FHIT: variants seen among roughly 807,000 people sequenced by gnomAD.
The protein encoded by FHIT is bis(5'-adenosyl)-triphosphatase.
Under a neutral mutation model 17.9 loss-of-function variants are expected in FHIT, and 19 were observed. The ratio of observed to expected loss-of-function variants is 1.06; its 90% CI spans 0.74 to 1.56. The LOEUF (loss-of-function observed/expected upper bound fraction) is 1.56. Ranked by LOEUF, FHIT falls within the 40% of genes most tolerant of loss-of-function variation. The pLI is 0.00. For missense variants in FHIT, 248 were observed against 189.2 expected (o/e 1.31, Z -1.82); for synonymous variants, 81 against 69.7 (o/e 1.16, Z -0.81).
At chr3:60,524,138 C>T (rs2035481505) in intron 5 of FHIT, among the ~76,000 whole-genome samples, 1 of 151,736 alleles carries the variant, frequency 6.6e-6, no homozygotes, top group Admixed American at 6.6e-5. Flanking sequence ...GAGATGCATT[C>T]ATGAATAAAC....
intron 2 of FHIT, among the ~76,000 whole-genome samples, chr3:61,128,774 GT>G (rs1017811885): frequency 3.6e-4 from 53 of 146,448 alleles, no homozygotes; most frequent in South Asian, 8.7e-4. Flanking sequence ...AAACAAGGTT[GT>G]TTTTTTTTTT....
intron 5 of FHIT, among the ~76,000 whole-genome samples, chr3:60,173,915 A>ATATATATATATATTTTTTTTTTTTTTTT: frequency 1.5e-5 from 1 of 66,444 alleles, no homozygotes; most frequent in Non-Finnish European, 2.8e-5. Context: ...ATATATATAT[A>ATATATATATATATTTTTTTTTTTTTTTT]TGTTTTTTTT....
chr3:59,920,326 C>T (rs1705341260), intron 8 of FHIT, among the ~76,000 whole-genome samples: 1 of 152,190 alleles, frequency 6.6e-6, no homozygotes, highest in South Asian at 2.1e-4. Flanking sequence ...GTCTATACTA[C>T]ATATGACTTA....
At chr3:59,774,117 C>T (rs527431877) in intron 8 of FHIT, among the ~76,000 whole-genome samples, 8 of 152,150 alleles carry the variant, frequency 5.3e-5, no homozygotes, top group East Asian at 1.9e-4. Context: ...GCGTGAGATG[C>T]GCTGGTTTGG....
intron 4 of FHIT, among the ~76,000 whole-genome samples, chr3:60,542,483 T>A (rs1299367662): frequency 6.6e-6 from 1 of 152,320 alleles, no homozygotes; most frequent in African/African-American, 2.4e-5. Context: ...AGTTTTTAAT[T>A]ATTGAATGGT....
chr3:60,380,585 A>G (rs1363449984), intron 5 of FHIT, among the ~76,000 whole-genome samples: 1 of 152,220 alleles, frequency 6.6e-6, no homozygotes, highest in Non-Finnish European at 1.5e-5. Context: ...AAAAGAGGGT[A>G]CAGATTTTAA....
chr3:60,168,457 C>T (rs1207136058), intron 5 of FHIT, among the ~76,000 whole-genome samples: 2 of 152,178 alleles, frequency 1.3e-5, no homozygotes, highest in African/African-American at 4.8e-5. Context: ...TGAAGGACCA[C>T]TCTTGGGCAT....
intron 5 of FHIT, among the ~76,000 whole-genome samples, chr3:60,513,472 T>C (rs917743968): frequency 6.6e-6 from 1 of 152,198 alleles, no homozygotes; most frequent in African/African-American, 2.4e-5. Flanking sequence ...GTTCAAAACA[T>C]TTAATAATAA....
intron 5 of FHIT, among the ~76,000 whole-genome samples, chr3:60,050,585 G>A (rs1479605814): frequency 7.0e-6 from 1 of 142,058 alleles, no homozygotes; most frequent in African/African-American, 2.8e-5. Flanking sequence ...GACCTCTACT[G>A]CAAGCCCTTT....
At chr3:60,363,607 A>G (rs1389994256) in intron 5 of FHIT, among the ~76,000 whole-genome samples, 2 of 152,148 alleles carry the variant, frequency 1.3e-5, no homozygotes, top group Non-Finnish European at 2.9e-5. Context: ...AATAAGTGGT[A>G]GCTAGAACTT....
At chr3:59,787,484 ACACACACACAC>A (rs1699357963) in intron 8 of FHIT, among the ~76,000 whole-genome samples, 2 of 17,738 alleles carry the variant, frequency 1.1e-4, no homozygotes, top group African/African-American at 3.6e-4. Context: ...GGGGCAAAAC[ACACACACACAC>A]ACACACACAC....
intron 5 of FHIT, among the ~76,000 whole-genome samples, chr3:60,418,362 G>A (rs1217405379): frequency 4.7e-5 from 4 of 84,212 alleles, no homozygotes; most frequent in Admixed American, 1.2e-4. Flanking sequence ...CTATATATAT[G>A]TATCTGAATG....
chr3:60,568,474 G>C (rs945048261), intron 4 of FHIT, among the ~76,000 whole-genome samples: 6 of 149,750 alleles, frequency 4.0e-5, no homozygotes, highest in African/African-American at 1.5e-4. Context: ...GAGGGAGGGG[G>C]GAGGGATAGC....
At chr3:60,369,162 G>A (rs1700225868) in intron 5 of FHIT, among the ~76,000 whole-genome samples, 1 of 149,342 alleles carries the variant, frequency 6.7e-6, no homozygotes, top group Non-Finnish European at 1.5e-5. Flanking sequence ...TTGTAGAGGG[G>A]GTCTCTCACC....
At chr3:60,775,446 C>T (rs960133830) in intron 4 of FHIT, among the ~76,000 whole-genome samples, 1 of 152,046 alleles carries the variant, frequency 6.6e-6, no homozygotes, top group Admixed American at 6.6e-5. Context: ...AAGCTGTGGG[C>T]GGGAAGTGCT....
chr3:60,154,353 T>C (rs1000572396), intron 5 of FHIT, among the ~76,000 whole-genome samples: 1 of 152,140 alleles, frequency 6.6e-6, no homozygotes, highest in African/African-American at 2.4e-5. Flanking sequence ...AAACAGGCCA[T>C]GGTAGGGATG....
rs983452778 is a variant in FHIT, at chr3:59,803,481, G to A, written c.349-51160C>T. 1.3e-4 allele frequency among the ~76,000 whole-genome samples: 20 copies of A among 152,290 alleles called. No individual in the cohort carries two copies. In the East Asian group the frequency reaches 3.1e-3, roughly 24 times the overall value. On this transcript the variant is annotated intron_variant, in intron 8 of 9. Coordinates refer to ENST00000492590, the MANE Select transcript of FHIT (RefSeq NM_002012.4). ...TAACGGTCTCCGAATGTGATTTGGC[G>A]GCAGCACGGGTCTCATTAGAGTGGG...
intron 4 of FHIT, among the ~76,000 whole-genome samples, chr3:60,734,833 T>A (rs1439252833): frequency 2.0e-5 from 3 of 152,242 alleles, no homozygotes; most frequent in Non-Finnish European, 4.4e-5. Context: ...TGAGGCTGCT[T>A]TTGTTGCACC....
intron 5 of FHIT, among the ~76,000 whole-genome samples, chr3:60,370,768 G>C (rs1700294342): frequency 1.3e-5 from 2 of 152,118 alleles, no homozygotes; most frequent in South Asian, 2.1e-4. Flanking sequence ...TATTCCCACA[G>C]CCTTCAAACT....
Sources: allele counts gnomAD v4.1 joint callset (sites outside exome capture counted in the v4.1 genomes callset), GRCh38; gene constraint gnomAD v4.1.1; transcripts MANE v1.5; gene names NCBI Gene and HGNC (gene_info 2026-07-23, HGNC 2026-07-21).